Variants in ESRRG observed in about 807,000 individuals in gnomAD.
ESRRG encodes the protein estrogen-related receptor gamma.
ESRRG carries 13 observed loss-of-function variants against 44.0 expected under a neutral mutation model. The observed-to-expected ratio is 0.30, with a 90% CI of 0.19 to 0.47. The LOEUF (loss-of-function observed/expected upper bound fraction) is 0.47, where lower values mean the gene tolerates loss of function less well. Ranked by LOEUF, ESRRG falls within the 20% of genes least tolerant of loss-of-function variation. The probability of loss-of-function intolerance (pLI) is 1.00; values close to 1 mark genes in which losing one functional copy is unlikely to be tolerated. For synonymous variants in ESRRG, 215 were observed against 214.6 expected, an observed-to-expected ratio of 1.00 and a Z score of -0.02; for missense variants, 395 against 580.6, an observed-to-expected ratio of 0.68 and a Z score of 3.29.
chr1:216,655,739 T>A lies in ESRRG; in HGVS notation c.473-4650A>T, dbSNP rs183668892. 2.6e-5 allele frequency among the ~76,000 whole-genome samples: 4 copies of A among 152,310 alleles called. No homozygotes were observed. The East Asian group carries it at 7.7e-4, about 29-fold the overall frequency. On this transcript the variant is annotated intron_variant, in intron 2 of 6. Coordinates refer to ENST00000408911, the MANE Select transcript of ESRRG (RefSeq NM_001438.4). ...TTATATCTTGAAAAACAAGTCAACA[T>A]CATTCTAAATAACTTATTTGCTTTA...
intron 1 of ESRRG, among the ~76,000 whole-genome samples, chr1:216,994,010 C>T: frequency 6.6e-6 from 1 of 152,170 alleles, no homozygotes; most frequent in East Asian, 1.9e-4. Flanking sequence ...AATGAATCAT[C>T]TCTTTCATTC....
intron 2 of ESRRG, among the ~76,000 whole-genome samples, chr1:216,835,525 G>A (rs1344922763): frequency 6.6e-6 from 1 of 152,164 alleles, no homozygotes; most frequent in Non-Finnish European, 1.5e-5. Flanking sequence ...TACTTATAAA[G>A]TTAGGTTGCA....
At chr1:216,866,570 T>C (rs1480195692) in intron 2 of ESRRG, among the ~76,000 whole-genome samples, 2 of 151,846 alleles carry the variant, frequency 1.3e-5, no homozygotes, top group African/African-American at 2.4e-5. Flanking sequence ...TCTTTCTTTT[T>C]TTTTTTATTT....
At chr1:217,042,515 C>CAA (rs34097707) in intron 1 of ESRRG, among the ~76,000 whole-genome samples, 1 of 144,876 alleles carries the variant, frequency 6.9e-6, no homozygotes, top group African/African-American at 2.6e-5. Context: ...CACACACACA[C>CAA]TGCATGTGCT....
intron 1 of ESRRG, among the ~76,000 whole-genome samples, chr1:217,030,796 G>A (rs759043547): frequency 3.9e-5 from 6 of 152,252 alleles, no homozygotes; most frequent in Non-Finnish European, 8.8e-5. Flanking sequence ...GGATTTCAGA[G>A]AGTACCTCCA....
chr1:216,555,742 T>G (rs183480700), intron 5 of ESRRG, among the ~76,000 whole-genome samples: 4 of 152,294 alleles, frequency 2.6e-5, no homozygotes, highest in Admixed American at 2.6e-4. Flanking sequence ...TTTAGTGCAT[T>G]TCACTTTGCT....
chr1:216,533,397 C>T (rs536928029), intron 5 of ESRRG, among the ~76,000 whole-genome samples: 1 of 152,152 alleles, frequency 6.6e-6, no homozygotes, highest in Non-Finnish European at 1.5e-5. Flanking sequence ...TTTAATGCCT[C>T]AAGATATGAG....
chr1:216,668,783 A>G (rs762086757), intron 2 of ESRRG, among the ~76,000 whole-genome samples: 3 of 152,190 alleles, frequency 2.0e-5, no homozygotes, highest in Admixed American at 6.5e-5. Context: ...TAGTTCAAAC[A>G]GGCTTGAAAT....
chr1:217,113,469 A>T (rs1256164875), intron 1 of ESRRG, among the ~76,000 whole-genome samples: 1 of 152,168 alleles, frequency 6.6e-6, no homozygotes, highest in East Asian at 1.9e-4. Context: ...TCTTCAGATT[A>T]AGAGAAATCA....
At chr1:217,042,253 C>A (rs2083984986) in intron 1 of ESRRG, among the ~76,000 whole-genome samples, 1 of 152,088 alleles carries the variant, frequency 6.6e-6, no homozygotes, top group Non-Finnish European at 1.5e-5. Flanking sequence ...TTATCCAATG[C>A]AGATCCTGAG....
chr1:216,555,535 T>TA (rs5780894), intron 5 of ESRRG, among the ~76,000 whole-genome samples: 11,070 of 144,778 alleles, frequency 0.076, 419 homozygotes, highest in East Asian at 0.12. Context: ...GTGCCCTCTT[T>TA]AAAAAAAAAA....
chr1:216,932,719 GTTTTTTTTTTTTT>G (rs397860904), intron 2 of ESRRG, among the ~76,000 whole-genome samples: 11 of 70,332 alleles, frequency 1.6e-4, no homozygotes, highest in East Asian at 1.1e-3. Flanking sequence ...CACCAAACTT[GTTTTTTTTTTTTT>G]TTTTTTTTTT....
rs1184857117 is a variant in ESRRG, at chr1:216,821,703, AAT to A, written c.-14+117877_-14+117878del. 3.0e-5 allele frequency among the ~76,000 whole-genome samples: 4 copies of A among 131,666 alleles called. No homozygotes were observed. The South Asian group carries it at 6.9e-4, about 23-fold the overall frequency. The allele number at this position is 131,666 out of a possible 152,430, so 86.4% of individuals were successfully genotyped here. On this transcript the variant is annotated intron_variant, in intron 2 of 7. Coordinates refer to the ESRRG transcript ENST00000359162. ...CTGCCTCAGGAAAAATAAATAAATAAATAAATAAATAAATAAATAAATAAATA... is the reference window on the plus strand; with the variant it reads ...CTGCCTCAGGAAAAATAAATAAATAAAAATAAATAAATAAATAAATAAATA...
intron 2 of ESRRG, among the ~76,000 whole-genome samples, chr1:216,758,124 C>T (rs772031001): frequency 2.6e-5 from 4 of 152,034 alleles, no homozygotes; most frequent in African/African-American, 4.8e-5. Flanking sequence ...CTCCTCCTCC[C>T]GTGATCTAAA....
At chr1:216,704,917 A>C (rs923232819) in intron 1 of ESRRG, among the ~76,000 whole-genome samples, 7 of 152,334 alleles carry the variant, frequency 4.6e-5, no homozygotes, top group Middle Eastern at 3.4e-3. Flanking sequence ...TTTGATTTAC[A>C]ATTTATAATC....
intron 2 of ESRRG, among the ~76,000 whole-genome samples, chr1:216,778,911 C>T (rs2093713870): frequency 6.6e-6 from 1 of 150,818 alleles, no homozygotes. Flanking sequence ...ATCTATGCAA[C>T]AGGTTCTCAG....
At chr1:216,566,392 CTT>C (rs2059688519) in intron 4 of ESRRG, among the ~76,000 whole-genome samples, 1 of 152,292 alleles carries the variant, frequency 6.6e-6, no homozygotes, top group East Asian at 1.9e-4. Flanking sequence ...TAGGAGTCCT[CTT>C]TATCTGAGAC....
intron 2 of ESRRG, among the ~76,000 whole-genome samples, chr1:216,828,377 G>T (rs1251818109): frequency 6.6e-6 from 1 of 152,084 alleles, no homozygotes; most frequent in Non-Finnish European, 1.5e-5. Flanking sequence ...GGTTAGTTGG[G>T]TTTTTTGCAA....
chr1:217,107,844 T>C (rs1378231956), intron 1 of ESRRG, among the ~76,000 whole-genome samples: 1 of 152,136 alleles, frequency 6.6e-6, no homozygotes, highest in African/African-American at 2.4e-5. Context: ...CCAAAAAATA[T>C]AATTTTATGC....
Sources: allele counts gnomAD v4.1 joint callset (sites outside exome capture counted in the v4.1 genomes callset), GRCh38; gene constraint gnomAD v4.1.1; transcripts MANE v1.5; gene names NCBI Gene and HGNC (gene_info 2026-07-23, HGNC 2026-07-21).